NRG2: variants seen among roughly 807,000 people sequenced by gnomAD.
NRG2 encodes the protein neuregulin 2, also known as pro-neuregulin-2, membrane-bound isoform.
NRG2 carries 27 observed loss-of-function variants against 73.9 expected under a neutral mutation model. The observed-to-expected ratio is 0.37, with a 90% confidence interval of 0.27 to 0.50. The LOEUF (loss-of-function observed/expected upper bound fraction) is 0.50, where lower values mean the gene tolerates loss of function less well. Ranked by LOEUF, NRG2 falls within the 20% of genes least tolerant of loss-of-function variation. The probability of loss-of-function intolerance (pLI) is 0.96; values close to 1 mark genes in which losing one functional copy is unlikely to be tolerated. For missense variants in NRG2, 1,126 were observed against 1,210.1 expected (o/e 0.93, Z 1.03); for synonymous variants, 532 against 541.0 (o/e 0.98, Z 0.23).
intron 1 of NRG2, among the ~76,000 whole-genome samples, chr5:139,986,716 C>T (rs1256063812): frequency 6.6e-6 from 1 of 152,120 alleles, no homozygotes. Context: ...TAGCCACTAG[C>T]ACATGTGGCT....
In NRG2 at chr5:139,927,558, G is replaced by A. The variant is rs184034896; in HGVS notation, c.701-40047C>T. ...GTGGGCGGATCACCTGAGGTTAGGAGTTTGAGACCAGCCTGACCAACATGG... is the reference window on the plus strand; with the variant it reads ...GTGGGCGGATCACCTGAGGTTAGGAATTTGAGACCAGCCTGACCAACATGG... On this transcript the variant is annotated intron_variant, in intron 1 of 9. Transcript: ENST00000361474. Among the ~76,000 whole-genome samples, 314 of 152,208 alleles carry A rather than the reference G, an allele frequency of 2.1e-3. 1 individual carries two copies. The highest frequency in any genetic ancestry group is 2.9e-3 in the Non-Finnish European group (196 of 68,006).
intron 5 of NRG2, among the ~76,000 whole-genome samples, chr5:139,858,322 G>A (rs960305187): frequency 6.6e-6 from 1 of 152,142 alleles, no homozygotes; most frequent in Non-Finnish European, 1.5e-5. Flanking sequence ...CTCCCCCCTG[G>A]TTGTTTGCAG....
At chr5:139,953,377 T>C (rs1754372867) in intron 1 of NRG2, among the ~76,000 whole-genome samples, 1 of 152,234 alleles carries the variant, frequency 6.6e-6, no homozygotes. Context: ...CCCTCTCCTC[T>C]GCCTTCATGA....
intron 1 of NRG2, among the ~76,000 whole-genome samples, chr5:139,908,220 T>G (rs928388623): frequency 1.3e-5 from 2 of 152,206 alleles, no homozygotes; most frequent in African/African-American, 2.4e-5. Context: ...ATTTAGTAAA[T>G]AATGGGAAGT....
intron 1 of NRG2, among the ~76,000 whole-genome samples, chr5:139,943,241 G>C (rs1053514829): frequency 2.6e-5 from 4 of 152,132 alleles, no homozygotes; most frequent in African/African-American, 9.7e-5. Flanking sequence ...CTGCCTCCCA[G>C]GTTCAAGTGA....
Position 139,847,939 on chromosome 5 carries a change from T to A in NRG2, c.2531A>T (p.Lys844Met). 6.7e-7 allele frequency: 1 copy of A among 1,499,172 alleles called. No homozygotes were observed. 92.9% of individuals were successfully genotyped at this position (1,499,172 alleles called of 1,614,324 possible). The change falls in exon 10 of 10, where the codon AAG (lysine) becomes ATG (methionine). Residue 844 changes from lysine (K) to methionine (M), a missense_variant. Physicochemically the swap from Lys to Met is moderately conservative, Grantham distance 95. Transcript: ENST00000361474. ...RHSRGPPPRA[K>M]QDSAPL is the part of the protein sequence containing the mutation. ...GCCCTAGAGTGGCGCCGAGTCCTGCTTGGCCCGCGGGGGCGGCCCGCGGCT... is the reference window on the plus strand; with the variant it reads ...GCCCTAGAGTGGCGCCGAGTCCTGCATGGCCCGCGGGGGCGGCCCGCGGCT...
chr5:140,006,885 C>A (rs1364103029), intron 1 of NRG2, among the ~76,000 whole-genome samples: 4 of 152,130 alleles, frequency 2.6e-5, no homozygotes, highest in African/African-American at 7.2e-5. Flanking sequence ...GGCTCATTAA[C>A]CTGCCCTAGG....
At chr5:139,880,440 G>A (rs987140130) in intron 3 of NRG2, among the ~76,000 whole-genome samples, 1 of 152,132 alleles carries the variant, frequency 6.6e-6, no homozygotes, top group Admixed American at 6.5e-5. Context: ...ATGGCCCAGT[G>A]GAGATGGCTG....
At chr5:140,006,742 AT>A (rs1758933572) in intron 1 of NRG2, among the ~76,000 whole-genome samples, 1 of 152,230 alleles carries the variant, frequency 6.6e-6, no homozygotes, top group African/African-American at 2.4e-5. Context: ...AAAACTTATT[AT>A]CTCTAGGTGG....
chr5:139,871,877 G>A (rs931743481), intron 3 of NRG2, 36 bp from the exon 4 acceptor site: 21 of 1,608,216 alleles, frequency 1.3e-5, no homozygotes, highest in Non-Finnish European at 1.6e-5. Flanking sequence ...GTGACGCACT[G>A]AGACTATCCC....
Position 139,855,747 on chromosome 5 carries a change from C to T in NRG2, c.1221G>A (p.Leu407=), listed in dbSNP as rs1761766258. 6.2e-7 allele frequency: 1 copy of T among 1,614,130 alleles called. No homozygotes were observed. Among genetic ancestry groups the T allele is most frequent in the African/African-American group, 1.3e-5 (1 of 75,034 alleles). The change falls in exon 6 of 10, where the codon CTG becomes CTA. Residue 407 remains leucine (L), a synonymous_variant. Transcript: ENST00000361474. The part of the protein sequence containing the change: ...KAEELYQKRV[L]TITGICVALL... ...GAGCCACGCAGATGCCCGTGATGGT[C>T]AGGACCCTCTTCTGGTACAGCTCCT...
In NRG2 at chr5:140,042,601, G is replaced by C; in HGVS notation, c.469C>G (p.Arg157Gly). The change falls in exon 1 of 10, where the codon CGG becomes GGG. Residue 157 changes from arginine to glycine, a missense_variant. Arg to Gly is a moderately radical substitution (Grantham distance 125). This residue lies in a region of NRG2 where 539 missense variants were observed against 703.2 expected (regional missense o/e 0.77). Transcript: ENST00000361474. ...TCCAGCACCTTTACCAACGCCACCC[G>C]ACCCGAGGCGGGCGGCTCTCGGGTG... The part of the protein sequence containing the change: ...NSTREPPASG[R>G]VALVKVLDKW... The C allele has an allele frequency of 6.2e-7, 1 of 1,611,860 alleles. No homozygotes were observed. The highest frequency in any genetic ancestry group is 2.2e-5 in the East Asian group (1 of 44,814).
At position 139,847,655 on chromosome 5, in the gene NRG2, T is replaced by G; in HGVS notation, c.*262A>C. The G allele has an allele frequency of 6.5e-6, 2 of 309,786 alleles. No homozygotes were observed. Among genetic ancestry groups the G allele is most frequent in the Non-Finnish European group, 1.2e-5 (2 of 172,786 alleles). The allele number at this position is 309,786 out of a possible 1,614,324, so 19.2% of individuals were successfully genotyped here. A position where few individuals can be genotyped will look rare whatever the true frequency, so the allele number is the denominator to read the frequency against. On this transcript the variant is annotated 3_prime_UTR_variant, in exon 10 of 10. Coordinates refer to ENST00000361474, the MANE Select transcript of NRG2 (RefSeq NM_004883.3). ...AAATTGGCCCATCTCTCTTTTTTTT[T>G]TGTTGTTTCTTTTTTTTTTCCGAAG...
Position 140,042,861 on chromosome 5 carries a change from T to TGTTGCTGCGGCC in NRG2, c.197_208dup (p.Arg66_Gln69dup). The TGTTGCTGCGGCC allele has an allele frequency of 6.6e-7, 1 of 1,505,318 alleles. No individual in the cohort carries two copies. The highest frequency in any genetic ancestry group is 8.9e-7 in the Non-Finnish European group (1 of 1,129,652). The allele number at this position is 1,505,318 out of a possible 1,614,324, so 93.2% of individuals were successfully genotyped here. A position where few individuals can be genotyped will look rare whatever the true frequency, so the allele number is the denominator to read the frequency against. On this transcript the variant is annotated inframe_insertion, in exon 1 of 10. Coordinates refer to ENST00000361474, the MANE Select transcript of NRG2 (RefSeq NM_004883.3). ...GGCTGCGGGGCTGCGGGGCTGCGGC[T>TGTTGCTGCGGCC]GTTGCTGCGGCCGCGGCTCTGGGGG... is the stretch of plus-strand genomic sequence containing the variant.
rs142274993 is a variant in NRG2, at chr5:139,931,890, A to G, written c.701-44379T>C. Among the ~76,000 whole-genome samples, 615 of 152,364 alleles carry G rather than the reference A, an allele frequency of 4.0e-3. 3 individuals carry two copies. The highest frequency in any genetic ancestry group is 0.015 in the African/African-American group (604 of 41,584). On this transcript the variant is annotated intron_variant, in intron 1 of 9. Transcript: ENST00000361474. ...CAAATTAAAACCACAACGAGCTATC[A>G]CTTCACATTTGTATGGACAGCTATT...
chr5:139,937,067 G>A (rs915469097), intron 1 of NRG2, among the ~76,000 whole-genome samples: 9 of 152,230 alleles, frequency 5.9e-5, no homozygotes, highest in Admixed American at 3.3e-4. Flanking sequence ...CTCCCAAACT[G>A]TTGGGATTGC....
intron 1 of NRG2, among the ~76,000 whole-genome samples, chr5:139,934,929 C>T (rs1255688651): frequency 6.6e-6 from 1 of 152,200 alleles, no homozygotes; most frequent in African/African-American, 2.4e-5. Flanking sequence ...CTTTGGGAGG[C>T]TGAGCCTGGC....
chr5:139,946,580 CACTT>C (rs1489038160), intron 1 of NRG2, among the ~76,000 whole-genome samples: 1 of 151,558 alleles, frequency 6.6e-6, no homozygotes, highest in Admixed American at 6.6e-5. Context: ...TTGGATATGA[CACTT>C]AAAGTATGAA....
At chr5:139,956,969 CT>C (rs1431191611) in intron 1 of NRG2, among the ~76,000 whole-genome samples, 1 of 152,192 alleles carries the variant, frequency 6.6e-6, no homozygotes, top group Non-Finnish European at 1.5e-5. Flanking sequence ...GGCTTTCCCC[CT>C]GAGGCAATCA....
Sources: allele counts gnomAD v4.1 joint callset (sites outside exome capture counted in the v4.1 genomes callset), GRCh38; gene constraint gnomAD v4.1.1; regional missense constraint gnomAD v4.1.1; transcripts MANE v1.5; gene names NCBI Gene and HGNC (gene_info 2026-07-23, HGNC 2026-07-21).